The following PPP2R3A variants were observed in gnomAD, a reference collection of about 807,000 sequenced individuals.
PPP2R3A encodes the protein protein phosphatase 2 regulatory subunit B''alpha.
Under a neutral mutation model 106.9 loss-of-function variants are expected in PPP2R3A, and 80 were observed. The observed-to-expected ratio is 0.75, with a 90% CI of 0.62 to 0.90. PPP2R3A has a LOEUF of 0.90. Ranked by LOEUF, PPP2R3A falls within the 40% of genes least tolerant of loss-of-function variation. PPP2R3A has a pLI of 0.00. For missense variants in PPP2R3A, 1,386 were observed against 1,350.4 expected, an observed-to-expected ratio of 1.03 and a Z score of -0.41; for synonymous variants, 483 against 468.3, an observed-to-expected ratio of 1.03 and a Z score of -0.41.
chr3:135,982,018 A>G (rs1937545632), intron 1 of PPP2R3A, among the ~76,000 whole-genome samples: 1 of 151,738 alleles, frequency 6.6e-6, no homozygotes, highest in African/African-American at 2.4e-5. Context: ...AAGCAGGGAG[A>G]CCAGTTAGAA....
chr3:136,097,725 T>C (rs1449010899), intron 10 of PPP2R3A, among the ~76,000 whole-genome samples: 1 of 152,224 alleles, frequency 6.6e-6, no homozygotes, highest in Non-Finnish European at 1.5e-5. Flanking sequence ...TTTGGTTCTC[T>C]TAAGATAATT....
intron 5 of PPP2R3A, among the ~76,000 whole-genome samples, chr3:136,064,397 C>T (rs1259916884): frequency 6.6e-6 from 1 of 151,680 alleles, no homozygotes; most frequent in Non-Finnish European, 1.5e-5. Flanking sequence ...CGCACATGTA[C>T]CCTAAAACTT....
rs757816716 is a variant in PPP2R3A, at chr3:136,049,325, C to T, written c.2433C>T (p.Ser811=). Residue 811 remains serine, a synonymous_variant, in exon 5 of 14, where the codon AGC becomes AGT. Coordinates refer to ENST00000264977, the MANE Select transcript of PPP2R3A (RefSeq NM_002718.5). ...GTCTTCTAGCAAAGCCCAACTGCAG[C>T]TCTCTAGAACAGGAGGATTTCATCC... ...FICLLAKPNC[S]SLEQEDFIPL... The T allele has an allele frequency of 6.2e-7, 1 of 1,613,498 alleles. No homozygotes were observed. Among genetic ancestry groups the T allele is most frequent in the Non-Finnish European group, 8.5e-7 (1 of 1,179,640 alleles).
rs1242535884 is a variant in PPP2R3A at position 136,023,140 on chromosome 3, G to C, written c.1996-3692G>C. 5.0e-6 allele frequency: 8 copies of C among 1,613,568 alleles called. No individual in the cohort carries two copies. The South Asian group carries it at 6.6e-5, about 13-fold the overall frequency. On this transcript the variant is annotated intron_variant, in intron 2 of 13. Coordinates refer to ENST00000264977, the MANE Select transcript of PPP2R3A (RefSeq NM_002718.5). The stretch of plus-strand genomic sequence containing the variant: ...GGAGAGCTAGCTTTCCTGGCAAGGG[G>C]CTGTGATTTTGTTCTCCCTTCACGG...
At chr3:135,997,537 A>G (rs1320754173) in intron 1 of PPP2R3A, among the ~76,000 whole-genome samples, 3 of 152,142 alleles carry the variant, frequency 2.0e-5, no homozygotes, top group Non-Finnish European at 2.9e-5. Flanking sequence ...TCCAACCCAG[A>G]TCTTTCTGCT....
At chr3:136,061,949 C>G (rs918801146) in intron 5 of PPP2R3A, among the ~76,000 whole-genome samples, 3 of 143,528 alleles carry the variant, frequency 2.1e-5, no homozygotes, top group Admixed American at 6.8e-5. Flanking sequence ...AAAAAAAACA[C>G]TGAGTCCTGA....
At chr3:136,135,051 G>A (rs541157201) in intron 13 of PPP2R3A, among the ~76,000 whole-genome samples, 5 of 152,266 alleles carry the variant, frequency 3.3e-5, no homozygotes, top group African/African-American at 1.2e-4. Flanking sequence ...TGGCTCAAGC[G>A]AAAGTTTTTT....
chr3:136,009,075 T>G (rs187771053), intron 2 of PPP2R3A, among the ~76,000 whole-genome samples: 9 of 152,306 alleles, frequency 5.9e-5, no homozygotes, highest in Non-Finnish European at 1.3e-4. Context: ...TCTTGCACTC[T>G]GAATTCATGA....
chr3:136,103,864 A>G (rs1202906956), intron 12 of PPP2R3A, among the ~76,000 whole-genome samples: 1 of 152,202 alleles, frequency 6.6e-6, no homozygotes, highest in African/African-American at 2.4e-5. Context: ...ATTGCCGTTC[A>G]TGGCTATCAG....
At chr3:136,012,741 G>A (rs1337706795) in intron 2 of PPP2R3A, among the ~76,000 whole-genome samples, 1 of 152,140 alleles carries the variant, frequency 6.6e-6, no homozygotes, top group East Asian at 1.9e-4. Context: ...TATTTACAGG[G>A]ATATTTTAAA....
intron 1 of PPP2R3A, among the ~76,000 whole-genome samples, chr3:135,996,970 A>G (rs1330234081): frequency 6.6e-6 from 1 of 152,142 alleles, no homozygotes; most frequent in Admixed American, 6.5e-5. Context: ...CCCCTGCCTC[A>G]CTAGGAAAGG....
At chr3:135,969,020 A>G (rs1166286650) in intron 1 of PPP2R3A, among the ~76,000 whole-genome samples, 1 of 152,128 alleles carries the variant, frequency 6.6e-6, no homozygotes, top group Non-Finnish European at 1.5e-5. Context: ...ATGCTGTTTC[A>G]TATGTGAATA....
At chr3:135,989,235 G>A (rs996771977) in intron 1 of PPP2R3A, among the ~76,000 whole-genome samples, 3 of 152,094 alleles carry the variant, frequency 2.0e-5, no homozygotes, top group Admixed American at 1.3e-4. Context: ...TTGAGAAGGT[G>A]GAGACCCAGA....
chr3:136,043,130 TAA>T (rs879738665), intron 4 of PPP2R3A, among the ~76,000 whole-genome samples: 1 of 145,486 alleles, frequency 6.9e-6, no homozygotes, highest in Non-Finnish European at 1.5e-5. Context: ...TACATAATCT[TAA>T]AAAAAAAAAG....
intron 7 of PPP2R3A, among the ~76,000 whole-genome samples, chr3:136,080,021 T>C (rs1936730135): frequency 6.6e-6 from 1 of 152,224 alleles, no homozygotes; most frequent in Non-Finnish European, 1.5e-5. Flanking sequence ...TTTTACCCCC[T>C]TTCCCCAGAG....
At position 136,116,972 on chromosome 3, in the gene PPP2R3A, G is replaced by C. The variant is rs547821762; in HGVS notation, c.3329+10650G>C. On this transcript the variant is annotated intron_variant, in intron 13 of 13. Transcript: ENST00000264977. ...ACCACATCGCACTTATTCTACAATT[G>C]ACCACATAATTGGAAGTAAAGCACT... Among the ~76,000 whole-genome samples, 8 of 152,202 alleles carry C rather than the reference G, an allele frequency of 5.3e-5. No homozygotes were observed. In the South Asian group the frequency reaches 1.7e-3, roughly 32 times the overall value.
At chr3:136,042,519 G>A (rs1345064703) in intron 4 of PPP2R3A, among the ~76,000 whole-genome samples, 1 of 152,168 alleles carries the variant, frequency 6.6e-6, no homozygotes, top group Admixed American at 6.5e-5. Flanking sequence ...TTTTTAAAAA[G>A]AGTGTATGTT....
At chr3:136,049,757 A>G (rs1351237934) in intron 5 of PPP2R3A, among the ~76,000 whole-genome samples, 2 of 152,148 alleles carry the variant, frequency 1.3e-5, no homozygotes, top group East Asian at 3.9e-4. Flanking sequence ...AAAGAAAGAA[A>G]AGGTCATGAT....
chr3:136,100,658 T>G (rs1937338774), intron 10 of PPP2R3A, among the ~76,000 whole-genome samples: 1 of 151,168 alleles, frequency 6.6e-6, no homozygotes, highest in Admixed American at 6.6e-5. Flanking sequence ...GCCTGGGCAA[T>G]AGAGTGATAG....
Sources: allele counts gnomAD v4.1 joint callset (sites outside exome capture counted in the v4.1 genomes callset), GRCh38; gene constraint gnomAD v4.1.1; transcripts MANE v1.5; gene names NCBI Gene and HGNC (gene_info 2026-07-23, HGNC 2026-07-21).